The following FBXO31 variants were observed in gnomAD, a reference collection of about 807,000 sequenced individuals.
FBXO31 encodes F-box only protein 31.
Under a neutral mutation model 54.4 loss-of-function variants are expected in FBXO31, and 24 were observed. The observed-to-expected ratio is 0.44, with a 90% CI of 0.32 to 0.62. The LOEUF (loss-of-function observed/expected upper bound fraction) is 0.62. FBXO31 is among the 20% of genes least tolerant of loss of function. The pLI is 0.05. For synonymous variants in FBXO31, 388 were observed against 335.6 expected, an observed-to-expected ratio of 1.16 and a Z score of -1.71; for missense variants, 665 against 787.1, an observed-to-expected ratio of 0.84 and a Z score of 1.86.
At position 87,331,198 on chromosome 16, in the gene FBXO31, C is replaced by T. The variant is rs1288298506; in HGVS notation, c.*90G>A. ...GAGGTGTGCGTTCTGGTCAAAAGGC[C>T]GGATTTCCAAAGTGCATGCTGCTTC... On this transcript the variant is annotated 3_prime_UTR_variant, in exon 9 of 9. Coordinates refer to ENST00000311635, the MANE Select transcript of FBXO31 (RefSeq NM_024735.5). 1.3e-5 allele frequency: 18 copies of T among 1,363,566 alleles called. No homozygotes were observed. The highest frequency in any genetic ancestry group is 4.3e-5 in the African/African-American group (3 of 69,816). 84.5% of individuals were successfully genotyped at this position (1,363,566 alleles called of 1,614,324 possible).
At chr16:87,381,850 C>G (rs919226015) in intron 1 of FBXO31, among the ~76,000 whole-genome samples, 1 of 152,036 alleles carries the variant, frequency 6.6e-6, no homozygotes, top group African/African-American at 2.4e-5. Context: ...TAGTGAAACC[C>G]CCGTCTCTAC....
intron 5 of FBXO31, 148 bp downstream of exon 5, chr16:87,342,729 C>G: frequency 1.6e-6 from 1 of 628,960 alleles, no homozygotes; most frequent in East Asian, 3.1e-5. Flanking sequence ...GATGCACGGT[C>G]TGCACTGACA....
chr16:87,375,959 A>G (rs1906806535), intron 1 of FBXO31, among the ~76,000 whole-genome samples: 1 of 152,216 alleles, frequency 6.6e-6, no homozygotes, highest in African/African-American at 2.4e-5. Flanking sequence ...GGGGCCAGAG[A>G]GGCCACAGTA....
At chr16:87,364,058 G>A (rs1460406312) in intron 1 of FBXO31, among the ~76,000 whole-genome samples, 1 of 152,164 alleles carries the variant, frequency 6.6e-6, no homozygotes, top group Admixed American at 6.5e-5. Context: ...GCTGGCAGCC[G>A]CCCCACCTCC....
At chr16:87,343,096 T>A in intron 4 of FBXO31, 145 bp from the exon 5 acceptor site, 1 of 642,754 alleles carries the variant, frequency 1.6e-6, no homozygotes, top group South Asian at 2.0e-5. Flanking sequence ...ACCAACGCGG[T>A]GCCAGCGGAG....
intron 4 of FBXO31, among the ~76,000 whole-genome samples, 188 bp downstream of exon 4, chr16:87,343,410 G>A (rs537038241): frequency 1.3e-5 from 2 of 152,382 alleles, no homozygotes; most frequent in Middle Eastern, 6.8e-3. Context: ...TCCAGCAAGT[G>A]ACCGCTGCAG....
chr16:87,359,518 T>C (rs1372845617), intron 2 of FBXO31, among the ~76,000 whole-genome samples: 1 of 152,214 alleles, frequency 6.6e-6, no homozygotes, highest in Non-Finnish European at 1.5e-5. Context: ...TATGTCTTCA[T>C]GTCACTTTGA....
chr16:87,335,004 C>T lies in FBXO31; in HGVS notation c.996+300G>A, dbSNP rs1200964237. ...AATCTGAGCCTCTGTGTGGGGTCTG[C>T]TGTCCAGACTTCCTAAACCCCACAG... is the stretch of plus-strand genomic sequence containing the variant. On this transcript the variant is annotated intron_variant, in intron 7 of 8. Coordinates refer to ENST00000311635, the MANE Select transcript of FBXO31 (RefSeq NM_024735.5). This position sits in a 1 kb window ranked among gnomAD's most constrained non-coding sequence, Gnocchi z 5.7. 6.6e-6 allele frequency among the ~76,000 whole-genome samples: 1 copy of T among 152,208 alleles called. No individual in the cohort carries two copies. The highest frequency in any genetic ancestry group is 1.5e-5 in the Non-Finnish European group (1 of 68,028).
intron 2 of FBXO31, among the ~76,000 whole-genome samples, chr16:87,359,815 C>A (rs1274873754): frequency 6.6e-6 from 1 of 152,162 alleles, no homozygotes; most frequent in Admixed American, 6.5e-5. Flanking sequence ...GCGGGTGAAC[C>A]AGAGAAACAT....
intron 5 of FBXO31, among the ~76,000 whole-genome samples, chr16:87,342,412 G>C (rs955727954): frequency 2.6e-5 from 4 of 152,152 alleles, no homozygotes; most frequent in African/African-American, 9.7e-5. Context: ...TAAAACTCAA[G>C]GGCAATATTA....
intron 2 of FBXO31, among the ~76,000 whole-genome samples, chr16:87,355,652 C>T (rs1228309922): frequency 6.6e-6 from 1 of 152,166 alleles, no homozygotes; most frequent in Non-Finnish European, 1.5e-5. Flanking sequence ...AACAGTATGT[C>T]AATCAAAACC....
chr16:87,337,884 A>G (rs557694477), intron 5 of FBXO31, among the ~76,000 whole-genome samples: 100 of 152,316 alleles, frequency 6.6e-4, no homozygotes, highest in African/African-American at 2.3e-3. Flanking sequence ...CTCAATTTTT[A>G]GGACTTTTTT....
Position 87,361,673 on chromosome 16 carries a change from A to T in FBXO31, c.341-1307T>A, listed in dbSNP as rs74038752. Reference sequence around the variant, plus strand: ...GCCTTTTGATAAGCCCTACTCGCGCAGAGGCCTCATCCCTTCTTTTCAATA... The same window carrying T: ...GCCTTTTGATAAGCCCTACTCGCGCTGAGGCCTCATCCCTTCTTTTCAATA... On this transcript the variant is annotated intron_variant, in intron 1 of 8. Coordinates refer to ENST00000311635, the MANE Select transcript of FBXO31 (RefSeq NM_024735.5). 8.9e-3 allele frequency among the ~76,000 whole-genome samples: 1,349 copies of T among 152,318 alleles called. 24 individuals carry two copies. Among genetic ancestry groups the T allele is most frequent in the African/African-American group, 0.031 (1,290 of 41,576 alleles).
intron 2 of FBXO31, 88 bp downstream of exon 2, chr16:87,360,207 T>A: frequency 7.9e-7 from 1 of 1,266,066 alleles, no homozygotes; most frequent in South Asian, 1.2e-5. Flanking sequence ...AAGTGTGGAC[T>A]AAATCACTTT....
At position 87,343,622 on chromosome 16, in the gene FBXO31, T is replaced by C. The variant is rs762376259; in HGVS notation, c.633A>G (p.Lys211=). ...CCTGGATGTGGCCGTGGTGGGGCCC[T>C]TTGTGGCCGTACATGCACTCCACTG... ...AATVECMYGH[K]GPHHGHIQIV... is the part of the protein sequence containing the mutation. The change falls in exon 4 of 9, where the codon AAA becomes AAG. Residue 211 remains lysine, a synonymous_variant. Transcript: ENST00000311635. The C allele has an allele frequency of 6.2e-7, 1 of 1,612,002 alleles. No homozygotes were observed. Among genetic ancestry groups the C allele is most frequent in the Non-Finnish European group, 8.5e-7 (1 of 1,179,106 alleles).
In FBXO31 at chr16:87,335,298, A is replaced by G. The variant is rs1336989150; in HGVS notation, c.996+6T>C. 1.2e-6 allele frequency: 2 copies of G among 1,612,888 alleles called. No individual in the cohort carries two copies. Among genetic ancestry groups the G allele is most frequent in the African/African-American group, 2.7e-5 (2 of 74,962 alleles). The stretch of plus-strand genomic sequence containing the variant: ...AGCCCCACCAACCAGGTCAGCCGCC[A>G]CTCACCGTGATCTTGGTGCCCCTGG... On this transcript the variant is annotated splice_donor_region_variant and intron_variant, in intron 7 of 8. Coordinates refer to ENST00000311635, the MANE Select transcript of FBXO31 (RefSeq NM_024735.5). This position sits in a 1 kb window ranked among gnomAD's most constrained non-coding sequence, Gnocchi z 5.7.
chr16:87,376,298 G>C (rs1330500085), intron 1 of FBXO31, among the ~76,000 whole-genome samples: 2 of 150,226 alleles, frequency 1.3e-5, no homozygotes, highest in Admixed American at 6.7e-5. Context: ...TGTTAAGACA[G>C]AGTCTTACTC....
At chr16:87,383,809 C>T (rs1407344014), upstream of FBXO31, 109 of 1,081,198 alleles carry the variant, frequency 1.0e-4, no homozygotes, top group Non-Finnish European at 1.1e-4. This position sits in a 1 kb window ranked among gnomAD's most constrained non-coding sequence, Gnocchi z 4.9. Context: ...GCCCCGCCAG[C>T]GCCGAGCCAC....
Position 87,331,016 on chromosome 16 carries a change from C to T in FBXO31, c.*272G>A. 2.4e-6 allele frequency: 1 copy of T among 408,514 alleles called. No homozygotes were observed. Among genetic ancestry groups the T allele is most frequent in the Admixed American group, 3.9e-5 (1 of 25,602 alleles). 25.3% of individuals were successfully genotyped at this position (408,514 alleles called of 1,614,324 possible). On this transcript the variant is annotated 3_prime_UTR_variant, in exon 9 of 9. Coordinates refer to ENST00000311635, the MANE Select transcript of FBXO31 (RefSeq NM_024735.5). ...CCACCGCTTCAATTCTCACGCGGTC[C>T]CACGGCTGTCCCCTACATCTGCTGT...
Sources: gnomAD v4.1 joint callset for allele counts (sites outside exome capture counted in the v4.1 genomes callset) on GRCh38, gnomAD v4.1.1 for gene constraint, Gnocchi (gnomAD v3.1) non-coding constraint, MANE v1.5 for transcripts, NCBI Gene and HGNC (gene_info 2026-07-23, HGNC 2026-07-21) for gene names.